CMKLR2: variants seen among roughly 807,000 people sequenced by gnomAD.
The protein encoded by CMKLR2 is chemerin chemokine-like receptor 2.
In CMKLR2, 18 loss-of-function variants were observed where a neutral mutation model predicts 23.0. That is an observed-to-expected ratio of 0.78 (90% CI 0.54 to 1.16). The LOEUF is 1.16. CMKLR2 is among the 50% of genes most tolerant of loss of function. The pLI is 0.00. For missense variants in CMKLR2, 401 were observed against 412.7 expected (o/e 0.97, Z 0.25); for synonymous variants, 158 against 158.9 (o/e 0.99, Z 0.05).
chr2:206,180,597 G>A (rs958997346), intron 1 of CMKLR2, among the ~76,000 whole-genome samples: 3 of 151,926 alleles, frequency 2.0e-5, no homozygotes, highest in African/African-American at 7.2e-5. Context: ...ACCATGCCTG[G>A]CTGATATTTT....
chr2:206,191,837 ATTTTTTTTT>A (rs774926244), intron 1 of CMKLR2, among the ~76,000 whole-genome samples: 4 of 119,248 alleles, frequency 3.4e-5, no homozygotes, highest in South Asian at 2.8e-4. Context: ...TGCCCAACTA[ATTTTTTTTT>A]TTTTTTTTTT....
intron 1 of CMKLR2, among the ~76,000 whole-genome samples, chr2:206,204,932 G>A (rs907904348): frequency 1.3e-5 from 2 of 152,148 alleles, no homozygotes; most frequent in Non-Finnish European, 2.9e-5. Flanking sequence ...CAAAAGATTT[G>A]TGTAGATTAG....
At position 206,176,780 on chromosome 2, in the gene CMKLR2, A is replaced by G. The variant is rs769150235; in HGVS notation, c.468T>C (p.Ile156=). 8 of 1,614,154 alleles carry G rather than the reference A, an allele frequency of 5.0e-6. No homozygotes were observed. Among genetic ancestry groups the G allele is most frequent in the Non-Finnish European group, 5.1e-6 (6 of 1,180,018 alleles). Residue 156 remains isoleucine (I), a synonymous_variant, in exon 2 of 2, where the codon ATT becomes ATC. Coordinates refer to ENST00000621141, the MANE Select transcript of CMKLR2 (RefSeq NM_001389445.1). ...HRHRTLKNSL[I]VIIFIWLLAS... ...CCAAAAGCCAGATGAATATAATGAC[A>G]ATCAGAGAGTTCTTGAGGGTTCGAT...
intron 1 of CMKLR2, among the ~76,000 whole-genome samples, chr2:206,211,072 T>G (rs1689543153): frequency 6.6e-6 from 1 of 152,182 alleles, no homozygotes; most frequent in South Asian, 2.1e-4. Context: ...TCCACCTTTT[T>G]CAAGCTGCCA....
At chr2:206,190,029 T>C (rs905801081) in intron 1 of CMKLR2, among the ~76,000 whole-genome samples, 1 of 152,104 alleles carries the variant, frequency 6.6e-6, no homozygotes, top group Non-Finnish European at 1.5e-5. Context: ...GGAGGTTAGA[T>C]GGAAATTGAA....
intron 1 of CMKLR2, among the ~76,000 whole-genome samples, chr2:206,180,301 G>A (rs1351701294): frequency 2.0e-5 from 3 of 150,630 alleles, no homozygotes; most frequent in Non-Finnish European, 2.9e-5. Flanking sequence ...GACAAGCCTG[G>A]ACAACAAAGT....
intron 1 of CMKLR2, among the ~76,000 whole-genome samples, chr2:206,183,540 G>GTTCCT (rs1264652293): frequency 6.6e-6 from 1 of 152,150 alleles, no homozygotes; most frequent in Non-Finnish European, 1.5e-5. Flanking sequence ...CACCAGAGAG[G>GTTCCT]TTCCTAATCT....
rs1441038201 is a variant in CMKLR2, at chr2:206,202,636, A to G, written c.-29+10671T>C. ...ACCACGTTCCGCACTAACCTGGTTAAGGCTGGATGGCGTCATAGCTATTCG... is the reference window on the plus strand; with the variant it reads ...ACCACGTTCCGCACTAACCTGGTTAGGGCTGGATGGCGTCATAGCTATTCG... On this transcript the variant is annotated intron_variant, in intron 1 of 1. Transcript: ENST00000621141. 2.0e-5 allele frequency among the ~76,000 whole-genome samples: 3 copies of G among 149,138 alleles called. No individual in the cohort carries two copies. In the South Asian group the frequency reaches 6.8e-4, roughly 34 times the overall value.
upstream of CMKLR2, among the ~76,000 whole-genome samples, chr2:206,215,883 C>A (rs763547241): frequency 1.3e-5 from 2 of 152,210 alleles, no homozygotes; most frequent in South Asian, 2.1e-4. Context: ...ATTAAGAGAG[C>A]CTTTTGTGTA....
At chr2:206,190,309 G>T (rs1395824075) in intron 1 of CMKLR2, among the ~76,000 whole-genome samples, 1 of 152,210 alleles carries the variant, frequency 6.6e-6, no homozygotes, top group Non-Finnish European at 1.5e-5. Context: ...TCATGCTTAA[G>T]GGTTTGGATT....
At chr2:206,179,512 G>A (rs747496166) in intron 1 of CMKLR2, among the ~76,000 whole-genome samples, 11 of 148,824 alleles carry the variant, frequency 7.4e-5, no homozygotes, top group South Asian at 4.2e-4. Flanking sequence ...GGTATTTTTA[G>A]TAGAGACAGG....
chr2:206,214,684 C>T (rs1468273782), upstream of CMKLR2, among the ~76,000 whole-genome samples: 2 of 151,826 alleles, frequency 1.3e-5, no homozygotes, highest in African/African-American at 4.8e-5. Context: ...AGTGCAGTGG[C>T]ACGATCTCGG....
intron 1 of CMKLR2, among the ~76,000 whole-genome samples, chr2:206,195,215 A>G (rs1031263182): frequency 1.8e-4 from 27 of 152,080 alleles, no homozygotes; most frequent in Non-Finnish European, 3.7e-4. Context: ...AAAAGAAAGA[A>G]CTCTGCAGGG....
chr2:206,204,176 C>T (rs1229212530), intron 1 of CMKLR2, among the ~76,000 whole-genome samples: 1 of 151,788 alleles, frequency 6.6e-6, no homozygotes, highest in Non-Finnish European at 1.5e-5. Context: ...CATGGTGAAA[C>T]CCCGTCTTTA....
intron 1 of CMKLR2, among the ~76,000 whole-genome samples, chr2:206,181,305 C>A (rs1249158967): frequency 1.3e-5 from 2 of 152,028 alleles, no homozygotes; most frequent in Non-Finnish European, 2.9e-5. Flanking sequence ...AGTAATCTGC[C>A]CATCTCAGTC....
chr2:206,215,393 G>T (rs2105850663), upstream of CMKLR2, among the ~76,000 whole-genome samples: 1 of 152,188 alleles, frequency 6.6e-6, no homozygotes, highest in African/African-American at 2.4e-5. Context: ...GGAAGTTTTG[G>T]TTACTTTACA....
At chr2:206,215,357 A>G (rs1375362877), upstream of CMKLR2, among the ~76,000 whole-genome samples, 1 of 152,248 alleles carries the variant, frequency 6.6e-6, no homozygotes, top group Non-Finnish European at 1.5e-5. Context: ...TTTCATCTGT[A>G]AAAGCCATTA....
At chr2:206,202,617 T>A (rs922551100) in intron 1 of CMKLR2, among the ~76,000 whole-genome samples, 2 of 152,122 alleles carry the variant, frequency 1.3e-5, no homozygotes, top group African/African-American at 4.8e-5. Context: ...CGCCACCACG[T>A]TCCGCACTAA....
chr2:206,210,273 T>C (rs1689508146), intron 1 of CMKLR2, among the ~76,000 whole-genome samples: 1 of 152,068 alleles, frequency 6.6e-6, no homozygotes, highest in Admixed American at 6.6e-5. Context: ...CCTGTATTAG[T>C]CTGCTGAGGA....
Sources: gnomAD v4.1 joint callset for allele counts (sites outside exome capture counted in the v4.1 genomes callset) on GRCh38, gnomAD v4.1.1 for gene constraint, MANE v1.5 for transcripts, NCBI Gene and HGNC (gene_info 2026-07-23, HGNC 2026-07-21) for gene names.